The following CRYBG1 variants were observed in gnomAD, a reference collection of about 807,000 sequenced individuals.
CRYBG1 encodes beta/gamma crystallin domain-containing protein 1.
CRYBG1 carries 139 observed loss-of-function variants against 189.2 expected under a neutral mutation model. That is an observed-to-expected ratio of 0.73 (90% CI 0.64 to 0.85). The LOEUF (loss-of-function observed/expected upper bound fraction) is 0.85, where lower values mean the gene tolerates loss of function less well. Ranked by LOEUF, CRYBG1 falls within the 40% of genes least tolerant of loss-of-function variation. The pLI is 0.00. For synonymous variants in CRYBG1, 1,023 were observed against 1,017.1 expected (o/e 1.01, Z -0.11); for missense variants, 2,611 against 2,675.8 (o/e 0.98, Z 0.53).
intron 21 of CRYBG1, among the ~76,000 whole-genome samples, chr6:106,567,347 C>A (rs554722001): frequency 1.3e-5 from 2 of 152,280 alleles, no homozygotes; most frequent in South Asian, 4.1e-4. Context: ...TATAGTACAT[C>A]TAGCCATACA....
At chr6:106,489,499 C>T (rs933088718) in intron 2 of CRYBG1, among the ~76,000 whole-genome samples, 6 of 151,650 alleles carry the variant, frequency 4.0e-5, no homozygotes, top group African/African-American at 2.4e-5. Context: ...GATATAATTC[C>T]CTTGTCATTT....
chr6:106,444,981 AAAAC>A (rs75128545), intron 1 of CRYBG1, among the ~76,000 whole-genome samples: 18 of 151,528 alleles, frequency 1.2e-4, no homozygotes, highest in Non-Finnish European at 2.2e-4. Context: ...AAAAACCAAC[AAAAC>A]AAACAAACAA....
chr6:106,405,332 A>C (rs573735212), intron 1 of CRYBG1, among the ~76,000 whole-genome samples: 1 of 152,332 alleles, frequency 6.6e-6, no homozygotes, highest in South Asian at 2.1e-4. Context: ...CTGTCTCTCT[A>C]GATTCCTCCT....
intron 2 of CRYBG1, among the ~76,000 whole-genome samples, chr6:106,466,396 T>A (rs1772115755): frequency 6.6e-6 from 1 of 152,232 alleles, no homozygotes; most frequent in African/African-American, 2.4e-5. Context: ...GCAATTTTAA[T>A]GCTAACATTC....
chr6:106,509,254 A>C (rs954320387), intron 2 of CRYBG1, among the ~76,000 whole-genome samples: 4 of 152,230 alleles, frequency 2.6e-5, no homozygotes, highest in Non-Finnish European at 4.4e-5. Context: ...AGATAAAATG[A>C]AAGTGTGTGA....
chr6:106,362,726 T>G (rs1186779210), intron 1 of CRYBG1, among the ~76,000 whole-genome samples: 5 of 152,226 alleles, frequency 3.3e-5, no homozygotes, highest in Admixed American at 2.0e-4. Flanking sequence ...ATATATTACC[T>G]ATTCAAACGT....
At chr6:106,517,006 CTTT>C (rs5878896) in intron 3 of CRYBG1, among the ~76,000 whole-genome samples, 1,395 of 106,622 alleles carry the variant, frequency 0.013, 14 homozygotes, top group African/African-American at 0.049. Context: ...ATGGTTTAGA[CTTT>C]TTTTTTTTTT....
chr6:106,545,956 A>T (rs1774258949), intron 13 of CRYBG1, among the ~76,000 whole-genome samples: 1 of 152,194 alleles, frequency 6.6e-6, no homozygotes, highest in South Asian at 2.1e-4. Flanking sequence ...CTGGGATTAC[A>T]GGCATGAGCC....
intron 2 of CRYBG1, chr6:106,457,327 C>T (rs1771909587): frequency 6.6e-6 from 1 of 152,088 alleles, no homozygotes; most frequent in Non-Finnish European, 1.5e-5. Flanking sequence ...CCACCGGTTC[C>T]CCTCCCATGA....
intron 2 of CRYBG1, among the ~76,000 whole-genome samples, chr6:106,489,657 A>T (rs1046283532): frequency 7.4e-6 from 1 of 135,488 alleles, no homozygotes; most frequent in Non-Finnish European, 1.6e-5. Flanking sequence ...TGTCTCTACT[A>T]AAAATACAAA....
intron 2 of CRYBG1, among the ~76,000 whole-genome samples, chr6:106,460,098 T>C (rs1038897261): frequency 3.3e-5 from 5 of 152,078 alleles, no homozygotes; most frequent in African/African-American, 1.2e-4. Context: ...GCCATTCTCC[T>C]GCCTCAGCCT....
At chr6:106,369,619 A>C (rs1246616943) in intron 1 of CRYBG1, among the ~76,000 whole-genome samples, 2 of 152,228 alleles carry the variant, frequency 1.3e-5, no homozygotes, top group Non-Finnish European at 2.9e-5. Context: ...ATCAAGGGTC[A>C]AAATAATATA....
At chr6:106,502,871 G>C (rs138515003) in intron 2 of CRYBG1, among the ~76,000 whole-genome samples, 1 of 152,174 alleles carries the variant, frequency 6.6e-6, no homozygotes. Context: ...CTCTTCCAAG[G>C]CCCTCTCCTT....
At chr6:106,567,511 ATG>A (rs1241015838) in intron 21 of CRYBG1, among the ~76,000 whole-genome samples, 1 of 152,220 alleles carries the variant, frequency 6.6e-6, no homozygotes, top group Non-Finnish European at 1.5e-5. Context: ...GGTGAAAAGA[ATG>A]TTTATTTCTT....
chr6:106,499,319 ATT>A (rs1162297886), intron 2 of CRYBG1, among the ~76,000 whole-genome samples: 12 of 122,492 alleles, frequency 9.8e-5, no homozygotes, highest in Admixed American at 3.2e-4. Context: ...CACCCGGCTA[ATT>A]TTTTTTTTTT....
intron 2 of CRYBG1, among the ~76,000 whole-genome samples, chr6:106,497,785 A>C (rs936005220): frequency 7.9e-5 from 12 of 152,240 alleles, no homozygotes; most frequent in African/African-American, 2.9e-4. Flanking sequence ...TGGCACATGC[A>C]GGTTCTTAAG....
intron 21 of CRYBG1, among the ~76,000 whole-genome samples, chr6:106,566,464 C>CTTTTTTTTTTTTTTTTTTT (rs34773477): frequency 8.4e-5 from 6 of 71,650 alleles, no homozygotes; most frequent in Admixed American, 2.4e-4. Flanking sequence ...CAACAACAGT[C>CTTTTTTTTTTTTTTTTTTT]TTTTTTTTTT....
chr6:106,537,061 T>C (rs1392314642), intron 8 of CRYBG1, among the ~76,000 whole-genome samples: 1 of 152,248 alleles, frequency 6.6e-6, no homozygotes, highest in Admixed American at 6.5e-5. Context: ...TTCAAATGCA[T>C]TCATTCATGT....
intron 3 of CRYBG1, among the ~76,000 whole-genome samples, chr6:106,517,234 C>A (rs1478769972): frequency 6.7e-6 from 1 of 149,782 alleles, no homozygotes; most frequent in Non-Finnish European, 1.5e-5. Flanking sequence ...TGGTCTTGAA[C>A]CCCTTGGCTC....
Sources: allele counts gnomAD v4.1 joint callset (sites outside exome capture counted in the v4.1 genomes callset), GRCh38; gene constraint gnomAD v4.1.1; transcripts MANE v1.5; gene names NCBI Gene and HGNC (gene_info 2026-07-23, HGNC 2026-07-21).